FRMPD4: variants seen among roughly 807,000 people sequenced by gnomAD.
FRMPD4 encodes FERM and PDZ domain containing 4, also known as FERM and PDZ domain-containing protein 4.
A neutral mutation model predicts 94.1 loss-of-function variants in FRMPD4; 22 were observed. The ratio of observed to expected loss-of-function variants is 0.23; its 90% CI spans 0.17 to 0.33. The LOEUF (loss-of-function observed/expected upper bound fraction) is 0.33. Ranked by LOEUF, FRMPD4 falls within the 10% of genes least tolerant of loss-of-function variation. The pLI, the probability that FRMPD4 is intolerant of heterozygous loss-of-function variation, is 1.00. For missense variants in FRMPD4, 1,111 were observed against 1,339.9 expected (o/e 0.83, Z 2.67); for synonymous variants, 631 against 548.6 (o/e 1.15, Z -2.10).
Position 12,165,628 on chromosome X carries a change from A to C in FRMPD4, c.41+26616A>C, listed in dbSNP as rs765235477. On this transcript the variant is annotated intron_variant, in intron 1 of 16. Transcript: ENST00000675598. ...TGATGGGGATGGCACTGAATCTATA[A>C]ATTACCTTGGGCAGTATGGCCATTT... 1.1e-4 allele frequency among the ~76,000 whole-genome samples: 12 copies of C among 111,608 alleles called. No homozygotes were observed. In the South Asian group the frequency reaches 4.6e-3, roughly 43 times the overall value.
At chrX:12,666,946 C>A (rs1286540447) in intron 4 of FRMPD4, among the ~76,000 whole-genome samples, 1 of 112,179 alleles carries the variant, frequency 8.9e-6, no homozygotes, top group Non-Finnish European at 1.9e-5. Flanking sequence ...TTTCTAATTT[C>A]TTTGAAGAAC....
At chrX:12,622,002 G>GAA (rs2059298224) in intron 4 of FRMPD4, among the ~76,000 whole-genome samples, 1 of 47,442 alleles carries the variant, frequency 2.1e-5, no homozygotes, top group Non-Finnish European at 3.6e-5. Flanking sequence ...AAGAAAGAAA[G>GAA]AAAGAAAGAA....
At chrX:11,947,630 C>T (rs1346687759) in intron 3 of FRMPD4, among the ~76,000 whole-genome samples, 1 of 111,743 alleles carries the variant, frequency 8.9e-6, no homozygotes, top group East Asian at 2.8e-4. Flanking sequence ...GGAGTCAGGG[C>T]AAACCCTGTT....
At chrX:12,147,580 C>T (rs1449410671) in intron 1 of FRMPD4, among the ~76,000 whole-genome samples, 1 of 111,387 alleles carries the variant, frequency 9.0e-6, no homozygotes, top group African/African-American at 3.3e-5. Context: ...ATAATTGAGT[C>T]CAGTTTTGAT....
chrX:12,415,744 G>T (rs2056792204), intron 1 of FRMPD4, among the ~76,000 whole-genome samples: 1 of 112,150 alleles, frequency 8.9e-6, no homozygotes, highest in East Asian at 2.8e-4. Context: ...TATTGCTCAT[G>T]TAGCAAAATG....
intron 1 of FRMPD4, among the ~76,000 whole-genome samples, chrX:12,225,404 C>G (rs1337932627): frequency 9.0e-6 from 1 of 111,729 alleles, no homozygotes; most frequent in East Asian, 2.8e-4. Flanking sequence ...TAAATTGATC[C>G]AAAGTTGCTT....
At chrX:11,858,146 A>G (rs1206071025) in intron 1 of FRMPD4, among the ~76,000 whole-genome samples, 1 of 111,927 alleles carries the variant, frequency 8.9e-6, no homozygotes, top group Non-Finnish European at 1.9e-5. Context: ...CAGTGTGGTG[A>G]TTGCTCAAAG....
chrX:12,053,351 G>A (rs867838371), intron 3 of FRMPD4, among the ~76,000 whole-genome samples: 15 of 56,508 alleles, frequency 2.7e-4, no homozygotes, highest in African/African-American at 6.1e-4. Context: ...AGAAAGAAAG[G>A]AAAGAAAGAA....
At chrX:12,411,740 C>G (rs973356416) in intron 1 of FRMPD4, among the ~76,000 whole-genome samples, 1 of 111,682 alleles carries the variant, frequency 9.0e-6, no homozygotes, top group African/African-American at 3.3e-5. Context: ...TATTTCTGCC[C>G]TCTGTTATTG....
rs1434617077 is a variant in FRMPD4, at chrX:12,228,281, A to G, written c.41+89269A>G. Among the ~76,000 whole-genome samples the G allele has an allele frequency of 6.2e-5, 7 of 112,556 alleles. No homozygotes were observed. In the Admixed American group the frequency reaches 6.6e-4, roughly 11 times the overall value. ...GTTTAAACTTGTCTTTCCTAAACGC[A>G]CCTGAATATAGAATCCTACTTTTGT... On this transcript the variant is annotated intron_variant, in intron 1 of 16. Coordinates refer to ENST00000675598, the MANE Select transcript of FRMPD4 (RefSeq NM_001368397.1).
At chrX:12,637,231 C>T (rs1222390477) in intron 4 of FRMPD4, among the ~76,000 whole-genome samples, 2 of 112,432 alleles carry the variant, frequency 1.8e-5, no homozygotes, top group African/African-American at 6.5e-5. Flanking sequence ...AGTGACATCA[C>T]CATAATCCCT....
intron 2 of FRMPD4, among the ~76,000 whole-genome samples, chrX:11,875,367 G>A (rs746518182): frequency 8.9e-6 from 1 of 111,958 alleles, no homozygotes; most frequent in South Asian, 3.8e-4. Context: ...ATATAAAAAT[G>A]CTCTCAACAT....
At chrX:12,462,946 A>G (rs1286024889) in intron 1 of FRMPD4, among the ~76,000 whole-genome samples, 2 of 111,671 alleles carry the variant, frequency 1.8e-5, no homozygotes. Context: ...CCATGATCAT[A>G]CCACTGCACT....
At chrX:12,113,907 A>G (rs1479029757) in intron 3 of FRMPD4, among the ~76,000 whole-genome samples, 1 of 112,238 alleles carries the variant, frequency 8.9e-6, no homozygotes, top group Admixed American at 9.5e-5. Flanking sequence ...CGATGAAAAG[A>G]GGACCTTTTG....
Position 12,721,783 on chromosome X carries a change from G to A in FRMPD4, c.5214G>A (p.Ser1738=), listed in dbSNP as rs956656361. The change falls in exon 17 of 17, where the codon TCG becomes TCA. Residue 1738 remains serine, a synonymous_variant. Coordinates refer to ENST00000675598, the MANE Select transcript of FRMPD4 (RefSeq NM_001368397.1). ...CTGGGGACCCTAATGTTGGACTCTC[G>A]GCGCGACACTCAACCACCATGGCCG... ...KNPGDPNVGL[S]ARHSTTMAAL... 9 of 750,589 alleles carry A rather than the reference G, an allele frequency of 1.2e-5. No individual in the cohort carries two copies. In the African/African-American group the frequency reaches 1.9e-4, roughly 16 times the overall value. The allele number at this position is 750,589 out of a possible 1,213,427, so 61.9% of individuals were successfully genotyped here.
chrX:12,091,741 T>C (rs1270062191), intron 3 of FRMPD4, among the ~76,000 whole-genome samples: 1 of 112,009 alleles, frequency 8.9e-6, no homozygotes, highest in East Asian at 2.8e-4. Flanking sequence ...GTAAAGGCCA[T>C]GGATGATGTT....
chrX:12,188,975 A>G (rs2056457819), intron 1 of FRMPD4, among the ~76,000 whole-genome samples: 1 of 111,841 alleles, frequency 8.9e-6, no homozygotes, highest in Admixed American at 9.5e-5. Flanking sequence ...GGAAATCAAT[A>G]AAGAAATTTC....
chrX:11,865,619 G>A (rs1480179936), intron 2 of FRMPD4, among the ~76,000 whole-genome samples: 1 of 111,807 alleles, frequency 8.9e-6, no homozygotes, highest in African/African-American at 3.2e-5. Flanking sequence ...TGGAAACCGA[G>A]GCATAGGGAG....
chrX:12,056,802 C>T (rs1254957545), intron 3 of FRMPD4, among the ~76,000 whole-genome samples: 2 of 111,640 alleles, frequency 1.8e-5, no homozygotes, highest in Non-Finnish European at 3.8e-5. Flanking sequence ...TACGAACATA[C>T]TAAAATTTAT....
Sources: allele counts gnomAD v4.1 joint callset (sites outside exome capture counted in the v4.1 genomes callset), GRCh38; gene constraint gnomAD v4.1.1; transcripts MANE v1.5; gene names NCBI Gene and HGNC (gene_info 2026-07-23, HGNC 2026-07-21).